Variants in MORC1 observed in about 807,000 individuals in gnomAD.
The protein encoded by MORC1 is MORC family CW-type zinc finger protein 1.
Under a neutral mutation model 134.9 loss-of-function variants are expected in MORC1, and 59 were observed. That is an observed-to-expected ratio of 0.44 (90% confidence interval 0.35 to 0.54). MORC1 has a LOEUF of 0.54. Ranked by LOEUF, MORC1 falls within the 20% of genes least tolerant of loss-of-function variation. The probability of loss-of-function intolerance (pLI) is 0.00; values close to 1 mark genes in which losing one functional copy is unlikely to be tolerated. For synonymous variants in MORC1, 395 were observed against 391.7 expected, an observed-to-expected ratio of 1.01 and a Z score of -0.10; for missense variants, 947 against 1,134.5, an observed-to-expected ratio of 0.83 and a Z score of 2.37.
intron 3 of MORC1, 111 bp downstream of exon 3, chr3:109,110,638 T>C: frequency 3.3e-6 from 3 of 920,070 alleles, no homozygotes; most frequent in Non-Finnish European, 4.9e-6. Flanking sequence ...AGCACTTAGA[T>C]TACATTAAAA....
At chr3:109,042,439 T>C (rs1949574838) in intron 14 of MORC1, among the ~76,000 whole-genome samples, 1 of 152,206 alleles carries the variant, frequency 6.6e-6, no homozygotes. Context: ...AGGTAAGTGT[T>C]GGCAAGGATG....
chr3:108,979,632 C>T lies in MORC1; in HGVS notation c.2360G>A (p.Ser787Asn), dbSNP rs939725029. The T allele has an allele frequency of 1.5e-5, 25 of 1,613,984 alleles. No individual in the cohort carries two copies. Among genetic ancestry groups the T allele is most frequent in the East Asian group, 2.2e-5 (1 of 44,874 alleles). Residue 787 changes from serine to asparagine, a missense_variant, in exon 24 of 28, where the codon AGT (serine) becomes AAT (asparagine). Transcript: ENST00000232603. ...AGAAACTCTGGCTATGTGTCCAGAACTTAGATTCACATCTTCCATCGGCAC... is the reference window on the plus strand; with the variant it reads ...AGAAACTCTGGCTATGTGTCCAGAATTTAGATTCACATCTTCCATCGGCAC... ...LNVPMEDVNL[S>N]SGHIARVSVS...
chr3:108,990,197 TA>T (rs1948008274), intron 21 of MORC1, among the ~76,000 whole-genome samples: 1 of 152,180 alleles, frequency 6.6e-6, no homozygotes, highest in African/African-American at 2.4e-5. Flanking sequence ...GAAAATGGAC[TA>T]ATATACCTAC....
chr3:108,998,002 T>C (rs1022342439), intron 21 of MORC1, among the ~76,000 whole-genome samples: 1 of 152,174 alleles, frequency 6.6e-6, no homozygotes, highest in African/African-American at 2.4e-5. Flanking sequence ...CAGGTAGGCA[T>C]AGGGCAAAGG....
chr3:109,081,967 C>T (rs948205438), intron 8 of MORC1, among the ~76,000 whole-genome samples: 3 of 152,078 alleles, frequency 2.0e-5, no homozygotes, highest in African/African-American at 7.2e-5. Flanking sequence ...GAGAAACGTC[C>T]TTGAGGACAG....
intron 24 of MORC1, among the ~76,000 whole-genome samples, chr3:108,975,531 A>G (rs188471637): frequency 4.6e-5 from 7 of 152,314 alleles, no homozygotes; most frequent in Admixed American, 2.0e-4. Flanking sequence ...AGTTAAGAGC[A>G]AGGACTGTGA....
intron 23 of MORC1, 66 bp downstream of exon 23, chr3:108,984,650 T>G (rs1387309324): frequency 8.4e-7 from 1 of 1,195,610 alleles, no homozygotes; most frequent in Non-Finnish European, 1.2e-6. Context: ...TATTTAAACA[T>G]TGATAATTAC....
chr3:109,064,508 C>T (rs946475871), intron 9 of MORC1, among the ~76,000 whole-genome samples: 3 of 151,974 alleles, frequency 2.0e-5, no homozygotes, highest in African/African-American at 4.8e-5. Flanking sequence ...CTTTCATTGA[C>T]TTTAATTTTC....
intron 8 of MORC1, among the ~76,000 whole-genome samples, chr3:109,086,249 G>A (rs1029894614): frequency 6.6e-6 from 1 of 151,996 alleles, no homozygotes; most frequent in African/African-American, 2.4e-5. Flanking sequence ...TAGAATGTTT[G>A]TAGCATAAAG....
At chr3:109,112,427 T>C (rs1177189363) in intron 2 of MORC1, among the ~76,000 whole-genome samples, 1 of 152,238 alleles carries the variant, frequency 6.6e-6, no homozygotes, top group Admixed American at 6.5e-5. Context: ...CATAAAGTTC[T>C]CCTTCGTAAG....
chr3:109,102,991 C>A (rs577285865), intron 4 of MORC1, among the ~76,000 whole-genome samples: 1 of 152,218 alleles, frequency 6.6e-6, no homozygotes, highest in South Asian at 2.1e-4. Context: ...ACTATTCAGA[C>A]CAAGGGGAAA....
chr3:108,967,087 G>C (rs1947241257), intron 26 of MORC1, among the ~76,000 whole-genome samples: 1 of 152,136 alleles, frequency 6.6e-6, no homozygotes, highest in African/African-American at 2.4e-5. Context: ...TTGCTTACAA[G>C]ATCTCATTTC....
chr3:109,013,414 C>CA (rs975676636), intron 17 of MORC1, among the ~76,000 whole-genome samples: 28 of 152,106 alleles, frequency 1.8e-4, no homozygotes, highest in Admixed American at 6.5e-5. Context: ...CTGATCTCTA[C>CA]AAAAAATACT....
chr3:108,969,653 C>T lies in MORC1; in HGVS notation c.2604+16G>A. The stretch of plus-strand genomic sequence containing the variant: ...ATCATTTAGAATATAAATGGTGATA[C>T]TGAAAGGAAGCTTACCTGGTTGAAA... On this transcript the variant is annotated intron_variant, in intron 26 of 27. Coordinates refer to ENST00000232603, the MANE Select transcript of MORC1 (RefSeq NM_014429.4). 6.2e-7 allele frequency: 1 copy of T among 1,607,292 alleles called. No individual in the cohort carries two copies. Among genetic ancestry groups the T allele is most frequent in the Non-Finnish European group, 8.5e-7 (1 of 1,173,964 alleles).
In MORC1 at chr3:109,114,434, G is replaced by A; in HGVS notation, c.69C>T (p.Thr23=). The stretch of plus-strand genomic sequence containing the variant: ...GTGCTCCAAAAAGGAAACTGTGAGT[G>A]GTGCTGATGAAGAAATAAAGAGAAA... The part of the protein sequence containing the change: ...LRLDFIHANS[T]THSFLFGALA... Residue 23 remains threonine (T), a synonymous_variant, in exon 2 of 28, where the codon ACC becomes ACT. Transcript: ENST00000232603. The A allele has an allele frequency of 1.1e-5, 17 of 1,612,740 alleles. No homozygotes were observed. The highest frequency in any genetic ancestry group is 1.4e-5 in the Non-Finnish European group (17 of 1,179,130).
intron 8 of MORC1, among the ~76,000 whole-genome samples, chr3:109,092,566 T>C (rs1950752466): frequency 6.6e-6 from 1 of 152,026 alleles, no homozygotes; most frequent in African/African-American, 2.4e-5. Flanking sequence ...AGACTTTGGA[T>C]TTAAAAAAAA....
chr3:109,115,454 G>A (rs374800568), intron 1 of MORC1, among the ~76,000 whole-genome samples: 3 of 151,656 alleles, frequency 2.0e-5, no homozygotes, highest in Non-Finnish European at 2.9e-5. Context: ...TTGTAATTAA[G>A]AAAAAAAACT....
intron 4 of MORC1, 113 bp from the exon 5 acceptor site, chr3:109,100,620 T>C: frequency 1.3e-6 from 1 of 799,908 alleles, no homozygotes; most frequent in South Asian, 1.5e-5. Flanking sequence ...CCATAGCTCT[T>C]GGGTCAGCCC....
At chr3:109,090,179 T>C (rs927845000) in intron 8 of MORC1, among the ~76,000 whole-genome samples, 1 of 152,102 alleles carries the variant, frequency 6.6e-6, no homozygotes, top group Non-Finnish European at 1.5e-5. Flanking sequence ...AGGCCACCAC[T>C]GTTCATGTGC....
Sources: allele counts gnomAD v4.1 joint callset (sites outside exome capture counted in the v4.1 genomes callset), GRCh38; gene constraint gnomAD v4.1.1; transcripts MANE v1.5; gene names NCBI Gene and HGNC (gene_info 2026-07-23, HGNC 2026-07-21).